Variants in PSMD5 observed in about 807,000 individuals in gnomAD.
The protein encoded by PSMD5 is proteasome 26S subunit, non-ATPase 5.
PSMD5 carries 40 observed loss-of-function variants against 52.1 expected under a neutral mutation model. The ratio of observed to expected loss-of-function variants is 0.77; its 90% CI spans 0.60 to 1.00. PSMD5 has a LOEUF of 1.00. Ranked by LOEUF, PSMD5 falls within the 50% of genes least tolerant of loss-of-function variation. PSMD5 has a pLI of 0.00. For missense variants in PSMD5, 575 were observed against 605.2 expected (o/e 0.95, Z 0.52); for synonymous variants, 211 against 226.6 (o/e 0.93, Z 0.62).
intron 6 of PSMD5, 106 bp downstream of exon 6, chr9:120,826,659 A>C: frequency 7.4e-7 from 1 of 1,352,862 alleles, no homozygotes; most frequent in South Asian, 1.5e-5. Context: ...AATCAGCTCT[A>C]AAGGAAAACA....
intron 2 of PSMD5, among the ~76,000 whole-genome samples, chr9:120,832,823 G>A (rs1017553862): frequency 6.6e-6 from 1 of 150,416 alleles, no homozygotes; most frequent in African/African-American, 2.4e-5. Flanking sequence ...TAGCAAGGAT[G>A]CTTTGGTTAC....
intron 6 of PSMD5, 48 bp from the exon 7 acceptor site, chr9:120,824,733 TG>T (rs1325272173): frequency 6.8e-7 from 1 of 1,473,712 alleles, no homozygotes; most frequent in African/African-American, 1.4e-5. Flanking sequence ...CAAGACAGCA[TG>T]AATTGCGGGC....
chr9:120,824,186 C>G (rs2045105897), intron 7 of PSMD5: 4 of 355,722 alleles, frequency 1.1e-5, no homozygotes, highest in Non-Finnish European at 1.6e-5. Flanking sequence ...AGCCCGTGGT[C>G]TTTGTACCAT....
At chr9:120,819,288 C>T (rs966749428) in intron 9 of PSMD5, among the ~76,000 whole-genome samples, 78 of 152,260 alleles carry the variant, frequency 5.1e-4, no homozygotes, top group African/African-American at 1.8e-3. Context: ...GAATTAGAAT[C>T]TACATTTTAA....
rs548957777 is a variant in PSMD5 at position 120,836,593 on chromosome 9, C to T, written c.174-3137G>A. 2.8e-4 allele frequency among the ~76,000 whole-genome samples: 42 copies of T among 151,988 alleles called. No individual in the cohort carries two copies. The South Asian group carries it at 8.3e-3, about 30-fold the overall frequency. On this transcript the variant is annotated intron_variant, in intron 1 of 9. Transcript: ENST00000210313. ...TGTATTTTTAGTAGAGATGGGGTTT[C>T]ACCAGGTTGGCCAGGCTGGCCTCGA...
At chr9:120,834,593 G>C (rs1294394717) in intron 1 of PSMD5, among the ~76,000 whole-genome samples, 2 of 152,316 alleles carry the variant, frequency 1.3e-5, no homozygotes, top group East Asian at 1.9e-4. Flanking sequence ...CAGAATGGGA[G>C]AGAGGTGGTG....
At chr9:120,842,621 G>T in intron 1 of PSMD5, 116 bp downstream of exon 1, 1 of 1,271,812 alleles carries the variant, frequency 7.9e-7, no homozygotes, top group South Asian at 1.4e-5. Context: ...TGCAAATTTC[G>T]GCTACTTTCC....
At chr9:120,819,149 A>C (rs1222003490) in intron 9 of PSMD5, among the ~76,000 whole-genome samples, 1 of 152,226 alleles carries the variant, frequency 6.6e-6, no homozygotes, top group Non-Finnish European at 1.5e-5. Flanking sequence ...TTACGTTTTA[A>C]TGAAAAAGAA....
At chr9:120,824,241 ATGTT>A in intron 7 of PSMD5, 1 of 508,210 alleles carries the variant, frequency 2.0e-6, no homozygotes, top group Non-Finnish European at 3.5e-6. Context: ...ACAGGAAACA[ATGTT>A]TGGTTGAAAT....
At chr9:120,836,163 T>C (rs2045196737) in intron 1 of PSMD5, among the ~76,000 whole-genome samples, 1 of 152,204 alleles carries the variant, frequency 6.6e-6, no homozygotes, top group Non-Finnish European at 1.5e-5. Flanking sequence ...CTGTCAGAAT[T>C]TCCTTTCTTT....
intron 8 of PSMD5, 32 bp from the exon 9 acceptor site, chr9:120,821,011 A>G (rs1464994663): frequency 4.5e-6 from 7 of 1,552,704 alleles, no homozygotes; most frequent in Non-Finnish European, 6.0e-6. Flanking sequence ...TCTCATCAAA[A>G]GTTAACTGAT....
At chr9:120,837,730 C>T (rs2045207992) in intron 1 of PSMD5, among the ~76,000 whole-genome samples, 1 of 152,240 alleles carries the variant, frequency 6.6e-6, no homozygotes, top group South Asian at 2.1e-4. Flanking sequence ...ACCATACCAT[C>T]TAGCCATTTC....
At chr9:120,836,162 T>G (rs1007589274) in intron 1 of PSMD5, among the ~76,000 whole-genome samples, 3 of 152,220 alleles carry the variant, frequency 2.0e-5, no homozygotes, top group Non-Finnish European at 4.4e-5. Flanking sequence ...TCTGTCAGAA[T>G]TTCCTTTCTT....
chr9:120,820,700 G>T, intron 9 of PSMD5, 139 bp downstream of exon 9: 1 of 764,416 alleles, frequency 1.3e-6, no homozygotes, highest in Non-Finnish European at 1.9e-6. Flanking sequence ...TCCTTACTTA[G>T]TCTCTAAGGT....
At chr9:120,840,897 C>T (rs547435832) in intron 1 of PSMD5, among the ~76,000 whole-genome samples, 164 of 152,140 alleles carry the variant, frequency 1.1e-3, no homozygotes, top group African/African-American at 3.7e-3. Context: ...GGATTACAGG[C>T]GTGAGCCACC....
chr9:120,831,539 G>GC (rs1161231718), intron 3 of PSMD5, 80 bp from the exon 4 acceptor site: 6 of 1,438,588 alleles, frequency 4.2e-6, no homozygotes. Context: ...TAAAAATAGT[G>GC]CATGGAATGC....
intron 1 of PSMD5, chr9:120,841,745 T>C (rs898275228): frequency 5.3e-5 from 8 of 152,336 alleles, no homozygotes; most frequent in Admixed American, 4.6e-4. Flanking sequence ...TTGTTTCTAG[T>C]GTTCTGGTGC....
chr9:120,834,351 A>C (rs115490384), intron 1 of PSMD5, among the ~76,000 whole-genome samples: 1 of 152,164 alleles, frequency 6.6e-6, no homozygotes, highest in African/African-American at 2.4e-5. Flanking sequence ...TGTAATCCAG[A>C]TAAATAAACG....
intron 1 of PSMD5, among the ~76,000 whole-genome samples, chr9:120,835,297 GAAGT>G (rs1433873060): frequency 3.3e-5 from 5 of 152,180 alleles, no homozygotes; most frequent in African/African-American, 1.2e-4. Context: ...AAAAAGCAAT[GAAGT>G]AATGATACAT....
Sources: allele counts gnomAD v4.1 joint callset (sites outside exome capture counted in the v4.1 genomes callset), GRCh38; gene constraint gnomAD v4.1.1; transcripts MANE v1.5; gene names NCBI Gene and HGNC (gene_info 2026-07-23, HGNC 2026-07-21).